PHC2: variants seen among roughly 807,000 people sequenced by gnomAD.
PHC2 encodes polyhomeotic homolog 2.
PHC2 carries 29 observed loss-of-function variants against 87.4 expected under a neutral mutation model. That is an observed-to-expected ratio of 0.33 (90% CI 0.25 to 0.45). The LOEUF is 0.45. PHC2 is among the 20% of genes least tolerant of loss of function. PHC2 has a pLI of 1.00. For missense variants in PHC2, 857 were observed against 1,136.7 expected, an observed-to-expected ratio of 0.75 and a Z score of 3.54; for synonymous variants, 438 against 461.7, an observed-to-expected ratio of 0.95 and a Z score of 0.66.
chr1:33,371,698 C>T (rs1647856005), intron 3 of PHC2, among the ~76,000 whole-genome samples: 1 of 152,232 alleles, frequency 6.6e-6, no homozygotes, highest in Admixed American at 6.5e-5. Context: ...CTACCTTGCC[C>T]TTCAGTCAGA....
intron 1 of PHC2, among the ~76,000 whole-genome samples, chr1:33,424,309 A>G (rs1557850617): frequency 6.6e-6 from 1 of 152,112 alleles, no homozygotes; most frequent in East Asian, 1.9e-4. Context: ...AAAAGTCTAA[A>G]GCCACCTTTA....
intron 4 of PHC2, 140 bp from the exon 5 acceptor site, chr1:33,370,725 G>T: frequency 1.2e-6 from 1 of 834,966 alleles, no homozygotes; most frequent in African/African-American, 1.7e-5. Context: ...CCTTGGCTTT[G>T]GAGCAATCCC....
chr1:33,375,741 T>C, intron 1 of PHC2, 148 bp from the exon 2 acceptor site: 2 of 508,970 alleles, frequency 3.9e-6, no homozygotes, highest in Non-Finnish European at 6.8e-6. Flanking sequence ...GTGTCTGTAC[T>C]GAACACGTAA....
Position 33,356,291 on chromosome 1 carries a change from A to ATATATATATT in PHC2, c.977-1039_977-1038insAATATATATA, listed in dbSNP as rs1553185712. Among the ~76,000 whole-genome samples, 10 of 139,592 alleles carry ATATATATATT rather than the reference A, an allele frequency of 7.2e-5. 2 individuals carry two copies. Among genetic ancestry groups the ATATATATATT allele is most frequent in the African/African-American group, 2.7e-4 (10 of 37,044 alleles). The allele number at this position is 139,592 out of a possible 152,430, so 91.6% of individuals were successfully genotyped here. On this transcript the variant is annotated intron_variant, in intron 7 of 14. Coordinates refer to ENST00000683057, the MANE Select transcript of PHC2 (RefSeq NM_001385109.1). ...TATATATATATGTATATATATATAT[A>ATATATATATT]TATTTATTTATTTAGTATTTATTGA...
At chr1:33,427,524 T>C (rs1020511548) in intron 1 of PHC2, among the ~76,000 whole-genome samples, 1 of 152,150 alleles carries the variant, frequency 6.6e-6, no homozygotes, top group African/African-American at 2.4e-5. Flanking sequence ...CCACTTCTTA[T>C]CGGCATCTCA....
intron 1 of PHC2, among the ~76,000 whole-genome samples, chr1:33,395,468 A>G (rs1038329226): frequency 3.9e-5 from 6 of 152,136 alleles, no homozygotes; most frequent in Admixed American, 6.5e-5. Context: ...AAATAAATAA[A>G]TAAATAAATA....
rs547242065 is a variant in PHC2 at position 33,331,112 on chromosome 1, C to T, written c.2006+236G>A. ...GCCAGTGGAGCCCAGGAGGGCCAGC[C>T]GAGCCAAAGCACTGCGGCTTTTCCT... is the stretch of plus-strand genomic sequence containing the variant. On this transcript the variant is annotated intron_variant, in intron 12 of 14. Transcript: ENST00000683057. This position sits in a 1 kb window ranked among gnomAD's most constrained non-coding sequence, Gnocchi z 5.2. 4.9e-4 allele frequency among the ~76,000 whole-genome samples: 75 copies of T among 152,154 alleles called. No homozygotes were observed. The highest frequency in any genetic ancestry group is 9.4e-4 in the Non-Finnish European group (64 of 68,040).
intron 1 of PHC2, among the ~76,000 whole-genome samples, chr1:33,393,566 C>G (rs1252600752): frequency 6.7e-6 from 1 of 149,154 alleles, no homozygotes. Context: ...CCAGTGCAGT[C>G]TGTGTGGACC....
At chr1:33,404,629 G>C (rs1473950739) in intron 1 of PHC2, among the ~76,000 whole-genome samples, 1 of 151,902 alleles carries the variant, frequency 6.6e-6, no homozygotes, top group African/African-American at 2.4e-5. Flanking sequence ...CTACCTCTCT[G>C]TGACTGAATC....
At chr1:33,376,273 G>A (rs554459076) in intron 1 of PHC2, among the ~76,000 whole-genome samples, 8 of 152,170 alleles carry the variant, frequency 5.3e-5, no homozygotes, top group Non-Finnish European at 7.3e-5. Flanking sequence ...GCCCCTGAGT[G>A]ATCCACCTGC....
At chr1:33,370,295 C>T in intron 5 of PHC2, 126 bp downstream of exon 5, 1 of 864,876 alleles carries the variant, frequency 1.2e-6, no homozygotes, top group Non-Finnish European at 1.8e-6. Context: ...TTCTTTATCC[C>T]ACCCCTTATC....
intron 1 of PHC2, among the ~76,000 whole-genome samples, chr1:33,415,396 C>A (rs186386016): frequency 6.6e-6 from 1 of 152,210 alleles, no homozygotes; most frequent in East Asian, 1.9e-4. Flanking sequence ...TAGATACAAC[C>A]CCCAGAAGAA....
chr1:33,416,285 T>G (rs1353948090), intron 1 of PHC2, among the ~76,000 whole-genome samples: 1 of 152,018 alleles, frequency 6.6e-6, no homozygotes, highest in African/African-American at 2.4e-5. Context: ...AGCAGATTTC[T>G]GGCCAGGAGC....
intron 1 of PHC2, among the ~76,000 whole-genome samples, chr1:33,397,399 T>C (rs1037725885): frequency 2.0e-5 from 3 of 152,154 alleles, no homozygotes; most frequent in Admixed American, 1.3e-4. Context: ...TGAATGAGCA[T>C]TGCAACAAGA....
chr1:33,350,341 C>T (rs530703778), intron 9 of PHC2: 4 of 152,396 alleles, frequency 2.6e-5, no homozygotes, highest in African/African-American at 9.6e-5. Flanking sequence ...AGTCATGGCC[C>T]GAGTGCCCCG....
At position 33,396,405 on chromosome 1, in the gene PHC2, G is replaced by A. The variant is rs1016452417; in HGVS notation, c.-54-20812C>T. Among the ~76,000 whole-genome samples the A allele has an allele frequency of 2.3e-4, 35 of 152,166 alleles. 1 individual carries two copies. The highest frequency in any genetic ancestry group is 8.4e-4 in the African/African-American group (35 of 41,490). On this transcript the variant is annotated intron_variant, in intron 1 of 14. Coordinates refer to ENST00000683057, the MANE Select transcript of PHC2 (RefSeq NM_001385109.1). ...AATAATGCAGTCAAGTGCAATCTGG[G>A]GCCCTTATTCCCTGAGCTGCCCCAT...
At chr1:33,366,368 A>G (rs1290826322) in intron 7 of PHC2, among the ~76,000 whole-genome samples, 2 of 152,204 alleles carry the variant, frequency 1.3e-5, no homozygotes, top group East Asian at 1.9e-4. Flanking sequence ...ATTGCCTACA[A>G]TGGGCAGCAC....
intron 9 of PHC2, among the ~76,000 whole-genome samples, chr1:33,344,369 G>A (rs557454086): frequency 1.3e-5 from 2 of 152,256 alleles, no homozygotes; most frequent in South Asian, 4.1e-4. Flanking sequence ...AAATGTCAGG[G>A]GAGACTGGGA....
chr1:33,373,251 G>A (rs1180464433), intron 2 of PHC2, among the ~76,000 whole-genome samples: 2 of 152,092 alleles, frequency 1.3e-5, no homozygotes, highest in Admixed American at 6.6e-5. Context: ...CCAAGGAGCT[G>A]GAATTACAGG....
Sources: allele counts gnomAD v4.1 joint callset (sites outside exome capture counted in the v4.1 genomes callset), GRCh38; gene constraint gnomAD v4.1.1; non-coding constraint Gnocchi (gnomAD v3.1); transcripts MANE v1.5; gene names NCBI Gene and HGNC (gene_info 2026-07-23, HGNC 2026-07-21).